The following TGFBRAP1 variants were observed in gnomAD, a reference collection of about 807,000 sequenced individuals.
TGFBRAP1 encodes the protein transforming growth factor-beta receptor-associated protein 1.
TGFBRAP1 carries 20 observed loss-of-function variants against 83.2 expected under a neutral mutation model. The observed-to-expected ratio is 0.24, with a 90% confidence interval of 0.17 to 0.35. TGFBRAP1 has a LOEUF of 0.35. TGFBRAP1 is among the 10% of genes least tolerant of loss of function. The pLI is 1.00. For missense variants in TGFBRAP1, 950 were observed against 1,099.4 expected, an observed-to-expected ratio of 0.86 and a Z score of 1.92; for synonymous variants, 415 against 459.8, an observed-to-expected ratio of 0.90 and a Z score of 1.25.
the TGFBRAP1 span, among the ~76,000 whole-genome samples, chr2:105,253,602 T>C: frequency 2.6e-5 from 4 of 152,092 alleles, no homozygotes; most frequent in Non-Finnish European, 5.9e-5. Flanking sequence ...TGGCTAAATT[T>C]TAAAACGTTT....
At chr2:105,263,347 G>A (rs564441866), downstream of TGFBRAP1, among the ~76,000 whole-genome samples, 16 of 152,344 alleles carry the variant, frequency 1.1e-4, no homozygotes, top group South Asian at 2.1e-4. Context: ...AAGCCAATGC[G>A]AGTCCACCCT....
intron 8 of TGFBRAP1, among the ~76,000 whole-genome samples, chr2:105,274,811 A>G (rs1677281316): frequency 6.6e-6 from 1 of 152,206 alleles, no homozygotes; most frequent in Non-Finnish European, 1.5e-5. Flanking sequence ...CAGATGCAGC[A>G]CTCAGAAACT....
intron 4 of TGFBRAP1, among the ~76,000 whole-genome samples, chr2:105,286,417 C>G (rs924561102): frequency 3.3e-5 from 5 of 152,222 alleles, no homozygotes; most frequent in African/African-American, 9.6e-5. Context: ...CTCCTCCTGC[C>G]CTCTGCTCAG....
the TGFBRAP1 span, among the ~76,000 whole-genome samples, chr2:105,255,918 C>T: frequency 6.6e-6 from 1 of 152,118 alleles, no homozygotes; most frequent in African/African-American, 2.4e-5. Flanking sequence ...TCCATGTGGC[C>T]CTGCATGGGA....
rs1677394904 is a variant in TGFBRAP1 at position 105,277,674 on chromosome 2, G to A, written c.1464-3C>T. 4.3e-6 allele frequency: 7 copies of A among 1,614,064 alleles called. No homozygotes were observed. The highest frequency in any genetic ancestry group is 5.9e-6 in the Non-Finnish European group (7 of 1,179,980). The stretch of plus-strand genomic sequence containing the variant: ...AGAGCAGTCCAAGTGCAAAATACCT[G>A]AAACAGAACAACACGGTAAGTACAA... On this transcript the variant is annotated splice_polypyrimidine_tract_variant and splice_region_variant and intron_variant, in intron 6 of 11. Transcript: ENST00000393359.
downstream of TGFBRAP1, among the ~76,000 whole-genome samples, chr2:105,262,908 A>G (rs1676823396): frequency 6.6e-6 from 1 of 152,224 alleles, no homozygotes; most frequent in African/African-American, 2.4e-5. Context: ...TGAGAAGGTG[A>G]AAGGGCCTCT....
intron 1 of TGFBRAP1, among the ~76,000 whole-genome samples, chr2:105,316,376 A>G (rs1404602185): frequency 6.8e-6 from 1 of 146,796 alleles, no homozygotes; most frequent in Admixed American, 6.7e-5. Flanking sequence ...GATCCAGAGG[A>G]AAAAAAAAAT....
chr2:105,270,734 C>T lies in TGFBRAP1; in HGVS notation c.1973-1029G>A, dbSNP rs1000685095. Among the ~76,000 whole-genome samples, 10 of 152,336 alleles carry T rather than the reference C, an allele frequency of 6.6e-5. No homozygotes were observed. The East Asian group carries it at 1.2e-3, about 18-fold the overall frequency. On this transcript the variant is annotated intron_variant, in intron 10 of 11. Transcript: ENST00000393359. ...TAGACACAGAAGCCACAATACGCAACGCCTTCATCCTCACAGTGGAAGGCC... is the reference window on the plus strand; with the variant it reads ...TAGACACAGAAGCCACAATACGCAATGCCTTCATCCTCACAGTGGAAGGCC...
At chr2:105,257,774 T>C in the TGFBRAP1 span, among the ~76,000 whole-genome samples, 5 of 152,248 alleles carry the variant, frequency 3.3e-5, no homozygotes, top group Admixed American at 2.0e-4. Context: ...AAAAGTCATC[T>C]GCTTATTGCC....
At chr2:105,309,246 A>C (rs1006501276) in intron 1 of TGFBRAP1, among the ~76,000 whole-genome samples, 1 of 152,218 alleles carries the variant, frequency 6.6e-6, no homozygotes, top group Non-Finnish European at 1.5e-5. Context: ...AGTCCCTGTG[A>C]GCGGGAGCAG....
Position 105,275,699 on chromosome 2 carries a change from C to A in TGFBRAP1, c.1526G>T (p.Trp509Leu). Residue 509 changes from tryptophan (W) to leucine (L), a missense_variant, in exon 8 of 12, where the codon TGG becomes TTG. Physicochemically the swap from Trp to Leu is moderately conservative, Grantham distance 61 (BLOSUM62 -2). Transcript: ENST00000393359. ...NNQDAAAVQL[W>L]VNIVNGDVQD... ...GACATCGCCATTCACAATGTTCACC[C>A]ACAACTGGAAAGGAATCAAAAAGAA... The A allele has an allele frequency of 1.2e-6, 2 of 1,601,546 alleles. No individual in the cohort carries two copies. Among genetic ancestry groups the A allele is most frequent in the African/African-American group, 1.3e-5 (1 of 74,252 alleles).
At chr2:105,262,398 G>A (rs892405376), downstream of TGFBRAP1, among the ~76,000 whole-genome samples, 5 of 152,156 alleles carry the variant, frequency 3.3e-5, no homozygotes, top group Non-Finnish European at 5.9e-5. Context: ...GCCATGTGAT[G>A]CATCTGCTCC....
chr2:105,257,087 C>T, the TGFBRAP1 span, among the ~76,000 whole-genome samples: 1 of 152,218 alleles, frequency 6.6e-6, no homozygotes, highest in South Asian at 2.1e-4. Flanking sequence ...GCCCTTGGGG[C>T]TGCTCTATGG....
intron 4 of TGFBRAP1, among the ~76,000 whole-genome samples, chr2:105,289,213 G>A (rs1259049179): frequency 5.3e-5 from 8 of 152,006 alleles, no homozygotes; most frequent in African/African-American, 1.9e-4. Flanking sequence ...AAAAGTGGGG[G>A]GGTGCCAAAC....
At position 105,269,789 on chromosome 2, in the gene TGFBRAP1, T is replaced by G; in HGVS notation, c.1973-84A>C. 7.2e-7 allele frequency: 1 copy of G among 1,386,130 alleles called. No individual in the cohort carries two copies. The highest frequency in any genetic ancestry group is 9.4e-7 in the Non-Finnish European group (1 of 1,061,214). 85.9% of individuals were successfully genotyped at this position (1,386,130 alleles called of 1,614,324 possible). On this transcript the variant is annotated intron_variant, in intron 10 of 11. Coordinates refer to ENST00000393359, the MANE Select transcript of TGFBRAP1 (RefSeq NM_004257.6). The surrounding 1 kb of genome is among the most constrained non-coding windows in gnomAD (Gnocchi z 4.1). Reference sequence around the variant, plus strand: ...ACTGGCCTCCTTGCTGCTCTGGGCTTCAGGAGGGGAAAAGTCAACCTGGCT... The same window carrying G: ...ACTGGCCTCCTTGCTGCTCTGGGCTGCAGGAGGGGAAAAGTCAACCTGGCT...
chr2:105,276,097 T>A (rs1448127988), intron 7 of TGFBRAP1, among the ~76,000 whole-genome samples: 1 of 152,198 alleles, frequency 6.6e-6, no homozygotes, highest in Non-Finnish European at 1.5e-5. Context: ...TCTGTTTCCA[T>A]CTTCTCCGTC....
In TGFBRAP1 at chr2:105,285,138, T is replaced by C. The variant is rs532896115; in HGVS notation, c.1039-740A>G. Among the ~76,000 whole-genome samples the C allele has an allele frequency of 9.2e-5, 14 of 152,352 alleles. No individual in the cohort carries two copies. The South Asian group carries it at 2.9e-3, about 32-fold the overall frequency. ...CTCCTGGACATGTTTCTTCACTCTG[T>C]TCCTACAGATGCCAACACCATAGCC... is the stretch of plus-strand genomic sequence containing the variant. On this transcript the variant is annotated intron_variant, in intron 4 of 11. Transcript: ENST00000393359.
At chr2:105,290,615 C>CTGTGTGTGTG (rs201513561) in intron 4 of TGFBRAP1, among the ~76,000 whole-genome samples, 89 of 103,858 alleles carry the variant, frequency 8.6e-4, no homozygotes, top group Admixed American at 1.8e-3. Context: ...AACAGAGAGA[C>CTGTGTGTGTG]AGTGTGTGTG....
Position 105,307,700 on chromosome 2 carries a change from A to C in TGFBRAP1, c.602T>G (p.Leu201Arg), listed in dbSNP as rs1461664576. The C allele has an allele frequency of 1.2e-6, 2 of 1,614,128 alleles. No individual in the cohort carries two copies. The highest frequency in any genetic ancestry group is 8.5e-7 in the Non-Finnish European group (1 of 1,180,020). ...HNYSTGVSQD[L>R]FPYCSEERPP... ...CCTCTCCTCACTGCAGTAGGGAAAC[A>C]GGTCCTGGGAGACGCCTGTGCTGTA... The change falls in exon 2 of 12, where the codon CTG becomes CGG. Residue 201 changes from leucine to arginine, a missense_variant. By Grantham distance (102) the Leu-to-Arg change is moderately radical. Coordinates refer to ENST00000393359, the MANE Select transcript of TGFBRAP1 (RefSeq NM_004257.6).
Sources: gnomAD v4.1 joint callset for allele counts (sites outside exome capture counted in the v4.1 genomes callset) on GRCh38, gnomAD v4.1.1 for gene constraint, Gnocchi (gnomAD v3.1) non-coding constraint, MANE v1.5 for transcripts, NCBI Gene and HGNC (gene_info 2026-07-23, HGNC 2026-07-21) for gene names.